Variants in GRIK2 observed in about 807,000 individuals in gnomAD.
The protein encoded by GRIK2 is glutamate receptor ionotropic, kainate 2.
Under a neutral mutation model 100.3 loss-of-function variants are expected in GRIK2, and 32 were observed. That is an observed-to-expected ratio of 0.32 (90% CI 0.24 to 0.43). The LOEUF (loss-of-function observed/expected upper bound fraction) is 0.43, where lower values mean the gene tolerates loss of function less well. Among genes scored for constraint, GRIK2 ranks in the 20% least tolerant of loss-of-function variants. The pLI is 1.00. For synonymous variants in GRIK2, 417 were observed against 389.4 expected (o/e 1.07, Z -0.83); for missense variants, 843 against 1,114.9 (o/e 0.76, Z 3.47).
intron 11 of GRIK2, among the ~76,000 whole-genome samples, chr6:101,880,308 A>G (rs997620424): frequency 3.3e-5 from 5 of 152,058 alleles, no homozygotes; most frequent in Admixed American, 1.3e-4. Context: ...ATCTGTGTTT[A>G]TTTACTGCTA....
chr6:101,697,513 A>G (rs1295059343), intron 7 of GRIK2, among the ~76,000 whole-genome samples: 2 of 151,914 alleles, frequency 1.3e-5, no homozygotes, highest in African/African-American at 4.8e-5. Flanking sequence ...TATTTAACAG[A>G]TATTTAAGTC....
chr6:102,061,053 A>G (rs1771726149), intron 16 of GRIK2, among the ~76,000 whole-genome samples: 1 of 150,382 alleles, frequency 6.6e-6, no homozygotes. Flanking sequence ...GACTAATTGG[A>G]TGAATTTTTA....
At chr6:101,501,781 AG>A (rs374008248) in intron 2 of GRIK2, among the ~76,000 whole-genome samples, 87 of 152,252 alleles carry the variant, frequency 5.7e-4, no homozygotes, top group African/African-American at 2.0e-3. Context: ...TTTCCAAGAC[AG>A]GGTCTCACTT....
At chr6:101,635,497 TGAC>T (rs1780960898) in intron 4 of GRIK2, among the ~76,000 whole-genome samples, 1 of 152,006 alleles carries the variant, frequency 6.6e-6, no homozygotes. Flanking sequence ...AAGCCAAGAT[TGAC>T]TAATGGGATC....
intron 2 of GRIK2, among the ~76,000 whole-genome samples, chr6:101,526,094 T>G (rs1775140277): frequency 6.6e-6 from 1 of 152,210 alleles, no homozygotes; most frequent in Admixed American, 6.5e-5. Context: ...AGATGTATAC[T>G]GAGACCAACT....
At chr6:101,894,289 G>T (rs1401071460) in intron 12 of GRIK2, among the ~76,000 whole-genome samples, 1 of 151,558 alleles carries the variant, frequency 6.6e-6, no homozygotes, top group African/African-American at 2.4e-5. Context: ...GGAGATGTAT[G>T]GTGTTGGTTT....
intron 7 of GRIK2, among the ~76,000 whole-genome samples, chr6:101,745,824 T>A: frequency 6.6e-6 from 1 of 152,318 alleles, no homozygotes; most frequent in Non-Finnish European, 1.5e-5. Flanking sequence ...CATTTTAATA[T>A]TTTGTGATTG....
At position 101,889,267 on chromosome 6, in the gene GRIK2, T is replaced by C. The variant is rs140245508; in HGVS notation, c.1525-373T>C. On this transcript the variant is annotated intron_variant, in intron 11 of 16. Coordinates refer to ENST00000369134, the MANE Select transcript of GRIK2 (RefSeq NM_021956.5). ...TTTGACCAATGTATTAAGAAAATAA[T>C]TAATATTAAATAGATTTTTAAAGTT... is the stretch of plus-strand genomic sequence containing the variant. Among the ~76,000 whole-genome samples the C allele has an allele frequency of 9.8e-3, 1,481 of 151,804 alleles. 18 individuals carry two copies. Among genetic ancestry groups the C allele is most frequent in the African/African-American group, 0.034 (1,414 of 41,310 alleles).
At chr6:101,546,999 T>A (rs1776275738) in intron 2 of GRIK2, among the ~76,000 whole-genome samples, 1 of 150,344 alleles carries the variant, frequency 6.7e-6, no homozygotes, top group Admixed American at 6.6e-5. Context: ...CCCAGCTAAT[T>A]TTTTTGTATT....
intron 4 of GRIK2, among the ~76,000 whole-genome samples, chr6:101,636,868 A>G (rs1781046217): frequency 6.6e-6 from 1 of 152,120 alleles, no homozygotes; most frequent in African/African-American, 2.4e-5. Context: ...TTTGGTAGGT[A>G]CTGCCCTCCT....
At chr6:101,880,530 A>G (rs1786174499) in intron 11 of GRIK2, among the ~76,000 whole-genome samples, 1 of 152,012 alleles carries the variant, frequency 6.6e-6, no homozygotes, top group African/African-American at 2.4e-5. Context: ...ATACTGATTA[A>G]TAGATTCTGT....
intron 11 of GRIK2, among the ~76,000 whole-genome samples, chr6:101,881,856 AAAAT>A (rs973286001): frequency 4.6e-5 from 7 of 152,100 alleles, no homozygotes; most frequent in Non-Finnish European, 7.4e-5. Context: ...CTGTCCCTAA[AAAAT>A]AAATAAATAA....
chr6:101,982,075 T>C (rs191794339), intron 14 of GRIK2, among the ~76,000 whole-genome samples: 271 of 152,034 alleles, frequency 1.8e-3, no homozygotes, highest in Non-Finnish European at 3.2e-3. Flanking sequence ...TGAAGCCAAA[T>C]ATGAAGAACA....
At position 101,798,208 on chromosome 6, in the gene GRIK2, A is replaced by G. The variant is rs139142701; in HGVS notation, c.952-1440A>G. Among the ~76,000 whole-genome samples the G allele has an allele frequency of 6.6e-3, 1,000 of 152,132 alleles. 9 individuals carry two copies. The highest frequency in any genetic ancestry group is 0.011 in the Non-Finnish European group (746 of 67,990). ...TGCTGCAAAATTACCCTTTCTGTTG[A>G]CAGTTATATATTTTAAAACGCTCAA... On this transcript the variant is annotated intron_variant, in intron 7 of 16. Coordinates refer to ENST00000369134, the MANE Select transcript of GRIK2 (RefSeq NM_021956.5).
At chr6:101,763,631 G>C (rs929240657) in intron 7 of GRIK2, among the ~76,000 whole-genome samples, 1 of 152,202 alleles carries the variant, frequency 6.6e-6, no homozygotes, top group East Asian at 1.9e-4. Context: ...TTCACTCAAG[G>C]TTTAAGAAAT....
chr6:102,042,608 T>A (rs1770650338), intron 15 of GRIK2, among the ~76,000 whole-genome samples: 1 of 151,640 alleles, frequency 6.6e-6, no homozygotes, highest in Non-Finnish European at 1.5e-5. Context: ...TTAGGGTTCT[T>A]AATGATTAAT....
intron 7 of GRIK2, among the ~76,000 whole-genome samples, chr6:101,714,183 T>C (rs1044744228): frequency 6.6e-6 from 1 of 151,740 alleles, no homozygotes; most frequent in Non-Finnish European, 1.5e-5. Flanking sequence ...CGTTAGCATT[T>C]GTAAAGTTCT....
intron 7 of GRIK2, among the ~76,000 whole-genome samples, chr6:101,690,385 A>G (rs1443981137): frequency 6.6e-6 from 1 of 152,018 alleles, no homozygotes; most frequent in Non-Finnish European, 1.5e-5. Context: ...CGCTATCTCC[A>G]TTTCCTTTCA....
At chr6:101,454,784 C>T (rs1770905041) in intron 2 of GRIK2, among the ~76,000 whole-genome samples, 1 of 151,912 alleles carries the variant, frequency 6.6e-6, no homozygotes, top group African/African-American at 2.4e-5. Context: ...GGAGAGCCTG[C>T]GAGGATTACA....
Sources: allele counts gnomAD v4.1 joint callset (sites outside exome capture counted in the v4.1 genomes callset), GRCh38; gene constraint gnomAD v4.1.1; transcripts MANE v1.5; gene names NCBI Gene and HGNC (gene_info 2026-07-23, HGNC 2026-07-21).